Variants in FER1L6 observed in about 807,000 individuals in gnomAD.
FER1L6 encodes fer-1 like family member 6, also known as fer-1-like protein 6.
A neutral mutation model predicts 219.2 loss-of-function variants in FER1L6; 177 were observed. The observed-to-expected ratio is 0.81, with a 90% CI of 0.71 to 0.91. The LOEUF (loss-of-function observed/expected upper bound fraction) is 0.91, where lower values mean the gene tolerates loss of function less well. Among genes scored for constraint, FER1L6 ranks in the 40% least tolerant of loss-of-function variants. FER1L6 has a pLI of 0.00. For missense variants in FER1L6, 2,153 were observed against 2,259.9 expected (o/e 0.95, Z 0.96); for synonymous variants, 768 against 824.3 (o/e 0.93, Z 1.17).
rs1166342691 is a variant in FER1L6 at position 124,021,632 on chromosome 8, A to G, written c.2096A>G (p.Gln699Arg). 1 of 1,614,062 alleles carries G rather than the reference A, an allele frequency of 6.2e-7. No homozygotes were observed. The highest frequency in any genetic ancestry group is 8.5e-7 in the Non-Finnish European group (1 of 1,179,998). The change falls in exon 17 of 41, where the codon CAA becomes CGA. Residue 699 changes from glutamine (Q) to arginine (R), a missense_variant. Coordinates refer to ENST00000522917, the MANE Select transcript of FER1L6 (RefSeq NM_001039112.2). Reference sequence around the variant, plus strand: ...GTTGATGAAATGATTCACGAAGCCCAAAACTTTGTGGAAAAAATCCGCTTT... The same window carrying G: ...GTTGATGAAATGATTCACGAAGCCCGAAACTTTGTGGAAAAAATCCGCTTT... Reference protein sequence around the residue: ...LSVDEMIHEAQNFVEKIRFLV... With the variant: ...LSVDEMIHEARNFVEKIRFLV...
chr8:124,090,046 TA>T (rs1821960256), intron 33 of FER1L6, among the ~76,000 whole-genome samples: 1 of 152,206 alleles, frequency 6.6e-6, no homozygotes, highest in African/African-American at 2.4e-5. Flanking sequence ...ACCTCTCTGA[TA>T]ATTGACTTAA....
chr8:124,104,899 G>A (rs1314978052), intron 39 of FER1L6, among the ~76,000 whole-genome samples: 1 of 152,088 alleles, frequency 6.6e-6, no homozygotes, highest in Non-Finnish European at 1.5e-5. Flanking sequence ...GATAGGCCCT[G>A]GGAATAAGAC....
intron 20 of FER1L6, 148 bp downstream of exon 20, chr8:124,040,154 C>A: frequency 9.7e-7 from 1 of 1,029,356 alleles, no homozygotes. Context: ...CGAATATGTG[C>A]CCAGAAGGAC....
In FER1L6 at chr8:124,008,978, T is replaced by C. The variant is rs559750018; in HGVS notation, c.1701-1616T>C. On this transcript the variant is annotated intron_variant, in intron 13 of 40. Coordinates refer to ENST00000522917, the MANE Select transcript of FER1L6 (RefSeq NM_001039112.2). ...CAAATCAAGACCACAATGCTCAAAA[T>C]GCACAAAGCCACCTTACTCCTGCAA... Among the ~76,000 whole-genome samples, 3 of 152,086 alleles carry C rather than the reference T, an allele frequency of 2.0e-5. No homozygotes were observed. In the East Asian group the frequency reaches 5.8e-4, roughly 29 times the overall value.
At chr8:124,098,829 T>C (rs1409960542) in intron 37 of FER1L6, among the ~76,000 whole-genome samples, 3 of 152,154 alleles carry the variant, frequency 2.0e-5, no homozygotes, top group African/African-American at 7.2e-5. Context: ...TCACTCTCTG[T>C]CTCCTTCCCT....
intron 15 of FER1L6, among the ~76,000 whole-genome samples, chr8:124,017,393 G>C (rs76267777): frequency 0.01 from 1,530 of 152,162 alleles, 17 homozygotes; most frequent in Non-Finnish European, 0.016. Context: ...CTGAAAGAAA[G>C]TGGAAAAAAA....
intron 39 of FER1L6, among the ~76,000 whole-genome samples, chr8:124,117,969 A>G (rs1823319370): frequency 6.6e-6 from 1 of 152,220 alleles, no homozygotes; most frequent in Non-Finnish European, 1.5e-5. Flanking sequence ...CACTCCTACC[A>G]GCTCTGCCTC....
intron 1 of FER1L6, among the ~76,000 whole-genome samples, chr8:123,899,052 C>G (rs1281053237): frequency 6.6e-6 from 1 of 151,894 alleles, no homozygotes; most frequent in Non-Finnish European, 1.5e-5. Context: ...AATGGTAGTT[C>G]TACTTTTAGA....
rs1586370259 is a variant in FER1L6 at position 124,119,643 on chromosome 8, C to T, written c.5427C>T (p.Pro1809=). 2 of 1,613,880 alleles carry T rather than the reference C, an allele frequency of 1.2e-6. No homozygotes were observed. The highest frequency in any genetic ancestry group is 1.7e-6 in the Non-Finnish European group (2 of 1,179,818). Residue 1809 remains proline (P), a synonymous_variant, in exon 41 of 41, where the codon CCC becomes CCT. Transcript: ENST00000522917. The stretch of plus-strand genomic sequence containing the variant: ...CCTCCTTTTCGTGGTTCATGAGCCC[C>T]TTTAAGTGCCTGTACTACCTCATCT... ...PDTSFSWFMS[P]FKCLYYLIWK... is the part of the protein sequence containing the mutation.
chr8:124,014,349 C>T (rs1818083197), intron 15 of FER1L6: 1 of 152,610 alleles, frequency 6.6e-6, no homozygotes, highest in Non-Finnish European at 1.5e-5. Flanking sequence ...TACAAAGTCC[C>T]CCAGGTAATC....
chr8:123,959,039 T>G (rs186434340), intron 2 of FER1L6, among the ~76,000 whole-genome samples: 9 of 152,058 alleles, frequency 5.9e-5, no homozygotes, highest in Non-Finnish European at 8.8e-5. Context: ...TTCAGATTTA[T>G]TCTAAGTGCA....
chr8:124,106,944 CTT>C lies in FER1L6; in HGVS notation c.5289+3656_5289+3657del, dbSNP rs10561745. ...CTAGTATAAGAGATTATAAGGTTTTCTTTTTTTTTTTTTTTTTTTTTTGAGAC... is the reference window on the plus strand; with the variant it reads ...CTAGTATAAGAGATTATAAGGTTTTCTTTTTTTTTTTTTTTTTTTTGAGAC... On this transcript the variant is annotated intron_variant, in intron 39 of 40. Coordinates refer to ENST00000522917, the MANE Select transcript of FER1L6 (RefSeq NM_001039112.2). 7.3e-3 allele frequency among the ~76,000 whole-genome samples: 933 copies of C among 127,688 alleles called. 20 individuals are homozygous for C. The highest frequency in any genetic ancestry group is 0.027 in the Middle Eastern group (6 of 226). 83.8% of individuals were successfully genotyped at this position (127,688 alleles called of 152,430 possible). A position where few individuals can be genotyped will look rare whatever the true frequency, so the allele number is the denominator to read the frequency against.
intron 11 of FER1L6, among the ~76,000 whole-genome samples, chr8:123,983,090 TA>T (rs1816390666): frequency 6.6e-6 from 1 of 152,226 alleles, no homozygotes; most frequent in South Asian, 2.1e-4. Flanking sequence ...GGATATATTT[TA>T]AAGCCACCAC....
chr8:124,059,695 AT>A (rs1170515062), intron 22 of FER1L6, among the ~76,000 whole-genome samples: 3 of 152,218 alleles, frequency 2.0e-5, no homozygotes, highest in Non-Finnish European at 4.4e-5. Flanking sequence ...TCTCTGTTGG[AT>A]TAAATGTACA....
At chr8:124,119,017 G>C (rs1823369208) in intron 40 of FER1L6, 73 bp downstream of exon 40, 2 of 1,276,254 alleles carry the variant, frequency 1.6e-6, no homozygotes, top group African/African-American at 2.9e-5. Flanking sequence ...GTCTGATAAT[G>C]GCATTTCTTT....
intron 1 of FER1L6, among the ~76,000 whole-genome samples, chr8:123,873,923 CT>C (rs1237636578): frequency 6.6e-6 from 1 of 152,138 alleles, no homozygotes; most frequent in African/African-American, 2.4e-5. Flanking sequence ...CCTATAATAC[CT>C]TGGTCTGATC....
Position 124,070,609 on chromosome 8 carries a change from T to C in FER1L6, c.3966+11T>C, listed in dbSNP as rs192623555. On this transcript the variant is annotated intron_variant, in intron 30 of 40. Transcript: ENST00000522917. ...ATAGGAAAATTTAAGGCAGGTTCCA[T>C]TTTTAATCCTTTTATTTGGCTCTCC... is the stretch of plus-strand genomic sequence containing the variant. The C allele has an allele frequency of 7.9e-5, 123 of 1,562,230 alleles. 2 individuals carry two copies. In the African/African-American group the frequency reaches 1.4e-3, roughly 18 times the overall value.
intron 15 of FER1L6, chr8:124,014,575 G>T (rs1178378664): frequency 6.6e-6 from 1 of 152,592 alleles, no homozygotes; most frequent in Admixed American, 6.5e-5. Context: ...GGGAGACATG[G>T]AAAAGGTTAG....
intron 22 of FER1L6, among the ~76,000 whole-genome samples, chr8:124,058,373 A>G (rs1289010446): frequency 6.6e-6 from 1 of 152,194 alleles, no homozygotes; most frequent in Non-Finnish European, 1.5e-5. Context: ...CATCCTGCTC[A>G]CCACCATTTC....
Sources: allele counts gnomAD v4.1 joint callset (sites outside exome capture counted in the v4.1 genomes callset), GRCh38; gene constraint gnomAD v4.1.1; transcripts MANE v1.5; gene names NCBI Gene and HGNC (gene_info 2026-07-23, HGNC 2026-07-21).